The following CACNB1 variants were observed in gnomAD, a reference collection of about 807,000 sequenced individuals.
CACNB1 encodes the protein voltage-dependent L-type calcium channel subunit beta-1.
Under a neutral mutation model 71.6 loss-of-function variants are expected in CACNB1, and 29 were observed. That is an observed-to-expected ratio of 0.40 (90% CI 0.30 to 0.55). The LOEUF is 0.55. Ranked by LOEUF, CACNB1 falls within the 20% of genes least tolerant of loss-of-function variation. The probability of loss-of-function intolerance (pLI) is 0.38; values close to 1 mark genes in which losing one functional copy is unlikely to be tolerated. For synonymous variants in CACNB1, 300 were observed against 319.6 expected, an observed-to-expected ratio of 0.94 and a Z score of 0.65; for missense variants, 623 against 801.8, an observed-to-expected ratio of 0.78 and a Z score of 2.69.
In CACNB1 at chr17:39,175,311, G is replaced by A; in HGVS notation, c.1679C>T (p.Thr560Ile). 6.2e-7 allele frequency: 1 copy of A among 1,614,170 alleles called. No individual in the cohort carries two copies. The highest frequency in any genetic ancestry group is 8.5e-7 in the Non-Finnish European group (1 of 1,180,012). ...ATTCCGGCCCCGGTTCCGGTTGTCG[G>A]TCAGCTCTTCCTCATAGTCTTCTTC... ...DEEEDYEEEL[T>I]DNRNRGRNKA... Residue 560 changes from threonine (T) to isoleucine (I), a missense_variant, in exon 14 of 14, where the codon ACC (threonine) becomes ATC (isoleucine). Physicochemically the swap from Thr to Ile is moderately conservative, Grantham distance 89. Transcript: ENST00000394303. This position sits in a 1 kb window ranked among gnomAD's most constrained non-coding sequence, Gnocchi z 4.7.
rs377295790 is a variant in CACNB1 at position 39,177,355 on chromosome 17, G to A, written c.1327C>T (p.Leu443Phe). The change falls in exon 13 of 14, where the codon CTC (leucine) becomes TTC (phenylalanine). Residue 443 changes from leucine (L) to phenylalanine (F), a missense_variant. Coordinates refer to ENST00000394303, the MANE Select transcript of CACNB1 (RefSeq NM_000723.5). ...AGCGAGGTGAGCACCTGTACCTGGAGGTTGGAGACAGGGGCAGGGCTGGCA... is the reference window on the plus strand; with the variant it reads ...AGCGAGGTGAGCACCTGTACCTGGAAGTTGGAGACAGGGGCAGGGCTGGCA... ...LAASPAPVSN[L>F]QGPYLASGDQ... The A allele has an allele frequency of 3.1e-6, 5 of 1,613,310 alleles. No individual in the cohort carries two copies. The highest frequency in any genetic ancestry group is 2.2e-5 in the East Asian group (1 of 44,870).
chr17:39,184,447 C>G, intron 8 of CACNB1, 64 bp from the exon 9 acceptor site: 1 of 907,562 alleles, frequency 1.1e-6, no homozygotes, highest in Non-Finnish European at 1.8e-6. Flanking sequence ...CGCTCAGACT[C>G]TGAGTCGCTG....
At chr17:39,191,874 C>G (rs546386928) in intron 2 of CACNB1, 2 of 442,390 alleles carry the variant, frequency 4.5e-6, no homozygotes, top group Non-Finnish European at 8.0e-6. Flanking sequence ...GGGTGGGAAC[C>G]TGATAGGGGC....
chr17:39,187,083 A>G (rs1345744521), intron 4 of CACNB1, 154 bp from the exon 5 acceptor site: 2 of 749,948 alleles, frequency 2.7e-6, no homozygotes, highest in East Asian at 2.7e-5. Context: ...CTCTGAGTGG[A>G]GCTGCCAATT....
intron 2 of CACNB1, chr17:39,193,455 C>T (rs754947916): frequency 6.6e-5 from 30 of 453,730 alleles, no homozygotes; most frequent in East Asian, 1.4e-4. Context: ...TCACCACCAC[C>T]ACGGTCCGGC....
Position 39,190,763 on chromosome 17 carries a change from T to A in CACNB1, c.291+711A>T, listed in dbSNP as rs937485476. On this transcript the variant is annotated intron_variant, in intron 3 of 13. Coordinates refer to ENST00000394303, the MANE Select transcript of CACNB1 (RefSeq NM_000723.5). The stretch of plus-strand genomic sequence containing the variant: ...TTAAAAAAAACAATAATGACAGTAA[T>A]GACCATTTAGTGTTCCAGGTACCAT... Among the ~76,000 whole-genome samples the A allele has an allele frequency of 9.9e-5, 15 of 152,158 alleles. No homozygotes were observed. The East Asian group carries it at 2.3e-3, about 24-fold the overall frequency.
In CACNB1 at chr17:39,186,429, C is replaced by T. The variant is rs2045941880; in HGVS notation, c.628+67G>A. 1 of 1,165,858 alleles carries T rather than the reference C, an allele frequency of 8.6e-7. No homozygotes were observed. The highest frequency in any genetic ancestry group is 1.3e-6 in the Non-Finnish European group (1 of 799,694). 72.2% of individuals were successfully genotyped at this position (1,165,858 alleles called of 1,614,324 possible). ...TTCCTACTGCAGGGAAAGGAGGATT[C>T]AGGGAGTGGGGAGACCACCCCACCC... On this transcript the variant is annotated intron_variant, in intron 6 of 13. Transcript: ENST00000394303. The surrounding 1 kb of genome is among the most constrained non-coding windows in gnomAD (Gnocchi z 4.1).
rs998910113 is a variant in CACNB1 at position 39,186,259 on chromosome 17, G to T, written c.628+237C>A. On this transcript the variant is annotated intron_variant, in intron 6 of 13. Transcript: ENST00000394303. The surrounding 1 kb of genome is among the most constrained non-coding windows in gnomAD (Gnocchi z 4.1). ...GAACAGGGCTGGGAGAAATGAATGG[G>T]GGCAGGGCAGGGGAATCAGGCAGAG... 1 of 671,106 alleles carries T rather than the reference G, an allele frequency of 1.5e-6. No homozygotes were observed. Among genetic ancestry groups the T allele is most frequent in the Non-Finnish European group, 2.6e-6 (1 of 387,912 alleles). The allele number at this position is 671,106 out of a possible 1,614,324, so 41.6% of individuals were successfully genotyped here.
In CACNB1 at chr17:39,176,411, T is replaced by G. The variant is rs147151303; in HGVS notation, c.1333-754A>C. Among the ~76,000 whole-genome samples the G allele has an allele frequency of 6.6e-5, 10 of 152,258 alleles. No individual in the cohort carries two copies. The East Asian group carries it at 1.9e-3, about 29-fold the overall frequency. Reference sequence around the variant, plus strand: ...CCTCTCTGTGGCCTCATTTCTTGGTTGTAATGTGATGGGGGTTAGACCTGA... The same window carrying G: ...CCTCTCTGTGGCCTCATTTCTTGGTGGTAATGTGATGGGGGTTAGACCTGA... On this transcript the variant is annotated intron_variant, in intron 13 of 13. Transcript: ENST00000394303.
chr17:39,177,128 C>T (rs117791939), intron 13 of CACNB1: 18,183 of 1,428,868 alleles, frequency 0.013, 154 homozygotes, highest in Middle Eastern at 0.02. Flanking sequence ...ACCACAGACA[C>T]CAGAAGCTGC....
In CACNB1 at chr17:39,184,840, C is replaced by T. The variant is rs755358121; in HGVS notation, c.673G>A (p.Val225Met). 1 of 1,610,594 alleles carries T rather than the reference C, an allele frequency of 6.2e-7. No individual in the cohort carries two copies. The highest frequency in any genetic ancestry group is 8.5e-7 in the Non-Finnish European group (1 of 1,177,558). The change falls in exon 8 of 14, where the codon GTG (valine) becomes ATG (methionine). Residue 225 changes from valine to methionine, a missense_variant. Val to Met is a conservative substitution (Grantham distance 21). Transcript: ENST00000394303. ...ATGATGGGCCTCATGGAAGGCACCACGTCATAGGGGGGCACATGCTCTGTC... is the reference window on the plus strand; with the variant it reads ...ATGATGGGCCTCATGGAAGGCACCATGTCATAGGGGGGCACATGCTCTGTC... ...KSTEHVPPYD[V>M]VPSMRPIILV...
At chr17:39,177,961 T>C (rs898584106) in intron 12 of CACNB1, 23 bp downstream of exon 12, 1 of 1,569,446 alleles carries the variant, frequency 6.4e-7, no homozygotes, top group African/African-American at 1.4e-5. Flanking sequence ...CTCCATTCCC[T>C]TCCCTGGGAT....
rs1405917614 is a variant in CACNB1, at chr17:39,174,764, A to G, written c.*429T>C. 6.2e-6 allele frequency: 1 copy of G among 161,222 alleles called. No homozygotes were observed. Among genetic ancestry groups the G allele is most frequent in the African/African-American group, 2.4e-5 (1 of 41,588 alleles). The allele number at this position is 161,222 out of a possible 1,614,324, so 10.0% of individuals were successfully genotyped here. ...GTCTGGGGAAGAGAGCCCCCATGGG[A>G]AAGAATCTGTGGCCTCCCTTTCCAG... On this transcript the variant is annotated 3_prime_UTR_variant, in exon 14 of 14. Transcript: ENST00000394303.
chr17:39,183,371 A>C (rs2045841497), intron 11 of CACNB1, among the ~76,000 whole-genome samples: 1 of 151,602 alleles, frequency 6.6e-6, no homozygotes, highest in Non-Finnish European at 1.5e-5. Context: ...GAAGAAAGGA[A>C]AGACCTCCCA....
intron 3 of CACNB1, 96 bp from the exon 4 acceptor site, chr17:39,187,697 CT>C: frequency 7.3e-7 from 1 of 1,376,456 alleles, no homozygotes; most frequent in South Asian, 1.2e-5. Flanking sequence ...TGGATGTTTA[CT>C]TTATAATAGT....
Position 39,179,791 on chromosome 17 carries a change from C to T in CACNB1, c.1051-1712G>A, listed in dbSNP as rs1224502755. On this transcript the variant is annotated intron_variant, in intron 11 of 13. Transcript: ENST00000394303. ...TGGCGTGGTAGCACATGCCTGTAGT[C>T]CCAGCTACTCACGAGGCTGAGGCAT... Among the ~76,000 whole-genome samples, 7 of 151,918 alleles carry T rather than the reference C, an allele frequency of 4.6e-5. No individual in the cohort carries two copies. In the South Asian group the frequency reaches 1.5e-3, roughly 32 times the overall value.
intron 13 of CACNB1, among the ~76,000 whole-genome samples, chr17:39,176,042 C>A (rs1292291392): frequency 3.3e-5 from 5 of 152,296 alleles, no homozygotes; most frequent in African/African-American, 1.2e-4. Context: ...TAGTCATTGC[C>A]TTTGGTTTTC....
chr17:39,197,380 C>T, intron 1 of CACNB1, 32 bp downstream of exon 1: 2 of 1,392,090 alleles, frequency 1.4e-6, no homozygotes, highest in African/African-American at 3.1e-5. Flanking sequence ...GGGAGCGACC[C>T]CCTCCCGTTG....
rs2045568514 is a variant in CACNB1 at position 39,175,990 on chromosome 17, A to G, written c.1333-333T>C. ...TAATGCTATCTTGGGGCTAACTGTC[A>G]TTAACAGCTCAGTATTGCCACTCAT... On this transcript the variant is annotated intron_variant, in intron 13 of 13. Transcript: ENST00000394303. The surrounding 1 kb of genome is among the most constrained non-coding windows in gnomAD (Gnocchi z 4.7). Among the ~76,000 whole-genome samples the G allele has an allele frequency of 6.6e-6, 1 of 152,194 alleles. No homozygotes were observed. The highest frequency in any genetic ancestry group is 6.5e-5 in the Admixed American group (1 of 15,288).
Sources: gnomAD v4.1 joint callset for allele counts (sites outside exome capture counted in the v4.1 genomes callset) on GRCh38, gnomAD v4.1.1 for gene constraint, Gnocchi (gnomAD v3.1) non-coding constraint, MANE v1.5 for transcripts, NCBI Gene and HGNC (gene_info 2026-07-23, HGNC 2026-07-21) for gene names.